RSPH14: variants seen among roughly 807,000 people sequenced by gnomAD.
The protein encoded by RSPH14 is radial spoke head 14 homolog.
A neutral mutation model predicts 26.7 loss-of-function variants in RSPH14; 20 were observed. That is an observed-to-expected ratio of 0.75 (90% CI 0.53 to 1.09). The LOEUF is 1.09. Among genes scored for constraint, RSPH14 ranks in the 50% least tolerant of loss-of-function variants. RSPH14 has a pLI of 0.00. For synonymous variants in RSPH14, 177 were observed against 189.3 expected, an observed-to-expected ratio of 0.93 and a Z score of 0.53; for missense variants, 449 against 457.2, an observed-to-expected ratio of 0.98 and a Z score of 0.16.
chr22:23,109,565 G>A (rs922637741), intron 4 of RSPH14, among the ~76,000 whole-genome samples: 1 of 152,194 alleles, frequency 6.6e-6, no homozygotes, highest in African/African-American at 2.4e-5. Flanking sequence ...GGCTGGGCCA[G>A]GAGGATGAAC....
chr22:23,144,092 C>CAA (rs35499128), upstream of RSPH14, among the ~76,000 whole-genome samples: 258 of 24,164 alleles, frequency 0.011, 30 homozygotes, highest in African/African-American at 0.015. Flanking sequence ...GACTCCATCT[C>CAA]AAAAAAAAAA....
intron 4 of RSPH14, among the ~76,000 whole-genome samples, chr22:23,085,088 C>G (rs745392384): frequency 1.2e-3 from 176 of 152,180 alleles, no homozygotes; most frequent in Non-Finnish European, 1.3e-3. Context: ...CTGGAACCCC[C>G]ACCTCAGATA....
the RSPH14 span, chr22:23,161,437 C>A: frequency 1.4e-6 from 2 of 1,407,420 alleles, no homozygotes; most frequent in Non-Finnish European, 2.0e-6. Flanking sequence ...GGCCGGCATC[C>A]CCTGCCCAGT....
intron 5 of RSPH14, 41 bp from the exon 6 acceptor site, chr22:23,061,986 G>T: frequency 6.2e-7 from 1 of 1,611,554 alleles, no homozygotes. Context: ...TGCTTGGAAG[G>T]GAGAAGAGGC....
chr22:23,145,242 G>T, upstream of RSPH14: 43 of 837,590 alleles, frequency 5.1e-5, no homozygotes, highest in Middle Eastern at 3.9e-4. Context: ...GGCCTCCATA[G>T]CCCCGCCCAC....
the RSPH14 span, among the ~76,000 whole-genome samples, chr22:23,174,835 G>A: frequency 6.6e-6 from 1 of 152,044 alleles, no homozygotes; most frequent in East Asian, 1.9e-4. Flanking sequence ...AGGAATGGTG[G>A]TGCATGCCTG....
the RSPH14 span, among the ~76,000 whole-genome samples, chr22:23,157,794 G>C: frequency 6.6e-6 from 1 of 152,186 alleles, no homozygotes; most frequent in Non-Finnish European, 1.5e-5. Flanking sequence ...CTGGGCTGCC[G>C]GGTGCAGGCT....
the RSPH14 span, among the ~76,000 whole-genome samples, chr22:23,167,711 ATT>A: frequency 1.4e-5 from 2 of 145,674 alleles, no homozygotes; most frequent in Admixed American, 6.7e-5. Flanking sequence ...TAATTAATTT[ATT>A]TTTTTTTTTA....
At chr22:23,162,263 C>T in the RSPH14 span, 5 of 227,536 alleles carry the variant, frequency 2.2e-5, no homozygotes, top group East Asian at 1.2e-4. Flanking sequence ...CCTCCTGGTC[C>T]GTGGGCCAGG....
the RSPH14 span, among the ~76,000 whole-genome samples, chr22:23,157,210 G>A: frequency 6.6e-6 from 1 of 151,872 alleles, no homozygotes; most frequent in Non-Finnish European, 1.5e-5. Context: ...CATCACTGCT[G>A]TAGCTGCTGT....
chr22:23,129,685 G>C (rs757212951), intron 4 of RSPH14, among the ~76,000 whole-genome samples: 22 of 152,138 alleles, frequency 1.4e-4, no homozygotes, highest in Non-Finnish European at 2.9e-4. Context: ...ACTTTGGGAG[G>C]CCGAGGCAGG....
At position 23,122,748 on chromosome 22, in the gene RSPH14, C is replaced by T. The variant is rs1341594977; in HGVS notation, c.421+11278G>A. 3 of 314,192 alleles carry T rather than the reference C, an allele frequency of 9.5e-6. No individual in the cohort carries two copies. The Admixed American group carries it at 1.3e-4, about 14-fold the overall frequency. The allele number at this position is 314,192 out of a possible 1,614,324, so 19.5% of individuals were successfully genotyped here. A position where few individuals can be genotyped will look rare whatever the true frequency, so the allele number is the denominator to read the frequency against. ...GGGCAGTGGGAAGATGGGGGGTCCT[C>T]GGAGCTGGAGGTGCCCAGCGGTTTA... On this transcript the variant is annotated intron_variant, in intron 4 of 6. Coordinates refer to ENST00000216036, the MANE Select transcript of RSPH14 (RefSeq NM_014433.3).
chr22:23,158,040 CCA>C, the RSPH14 span: 24 of 1,614,138 alleles, frequency 1.5e-5, no homozygotes, highest in East Asian at 5.1e-4. Flanking sequence ...CTGGAGCATA[CCA>C]GGTAAGTCTG....
intron 4 of RSPH14, among the ~76,000 whole-genome samples, chr22:23,118,481 C>T (rs1422534838): frequency 6.9e-6 from 1 of 144,692 alleles, no homozygotes; most frequent in East Asian, 1.9e-4. Context: ...CGCCCCGCCC[C>T]ACCCCCCGCG....
chr22:23,115,014 G>T (rs1465529504), intron 4 of RSPH14, among the ~76,000 whole-genome samples: 1 of 152,226 alleles, frequency 6.6e-6, no homozygotes, highest in African/African-American at 2.4e-5. Flanking sequence ...TCCAGGAAGA[G>T]CTGAAACCTT....
chr22:23,180,129 A>C, the RSPH14 span: 1 of 254,486 alleles, frequency 3.9e-6, no homozygotes, highest in Non-Finnish European at 7.7e-6. Context: ...CCGGAACATG[A>C]GGTAGGTGGT....
the RSPH14 span, among the ~76,000 whole-genome samples, chr22:23,152,681 G>A: frequency 6.6e-6 from 1 of 152,230 alleles, no homozygotes; most frequent in Admixed American, 6.5e-5. Context: ...AAGAGGGGGT[G>A]CAAGAAATCG....
chr22:23,075,894 C>A (rs561075565), intron 4 of RSPH14, among the ~76,000 whole-genome samples: 1 of 151,846 alleles, frequency 6.6e-6, no homozygotes, highest in African/African-American at 2.4e-5. Context: ...TGAGGTCTGC[C>A]CCTGTGAGGT....
intron 4 of RSPH14, among the ~76,000 whole-genome samples, chr22:23,086,057 T>C (rs1218923630): frequency 6.6e-6 from 1 of 152,290 alleles, no homozygotes; most frequent in Non-Finnish European, 1.5e-5. Flanking sequence ...TACACTGTTT[T>C]GTATTTAGAT....
Sources: allele counts gnomAD v4.1 joint callset (sites outside exome capture counted in the v4.1 genomes callset), GRCh38; gene constraint gnomAD v4.1.1; transcripts MANE v1.5; gene names NCBI Gene and HGNC (gene_info 2026-07-23, HGNC 2026-07-21).